Variants in HS6ST3 observed in about 807,000 individuals in gnomAD.
The protein encoded by HS6ST3 is heparan-sulfate 6-O-sulfotransferase 3.
HS6ST3 carries 12 observed loss-of-function variants against 36.7 expected under a neutral mutation model. The ratio of observed to expected loss-of-function variants is 0.33; its 90% CI spans 0.21 to 0.53. HS6ST3 has a LOEUF of 0.53. HS6ST3 is among the 20% of genes least tolerant of loss of function. The pLI is 0.95. For missense variants in HS6ST3, 584 were observed against 640.9 expected (o/e 0.91, Z 0.96); for synonymous variants, 240 against 257.5 (o/e 0.93, Z 0.65).
intron 1 of HS6ST3, among the ~76,000 whole-genome samples, chr13:96,326,390 G>A (rs977048663): frequency 2.2e-5 from 3 of 134,814 alleles, no homozygotes; most frequent in Admixed American, 1.8e-4. Context: ...ATGTGTTCTC[G>A]TTGTTCAGTT....
intron 1 of HS6ST3, among the ~76,000 whole-genome samples, chr13:96,417,016 C>T (rs773469439): frequency 1.3e-5 from 2 of 152,176 alleles, no homozygotes; most frequent in South Asian, 2.1e-4. Context: ...TCCCGAAATG[C>T]TGGGATTACA....
At chr13:96,745,913 G>A (rs370890222) in intron 1 of HS6ST3, among the ~76,000 whole-genome samples, 5 of 151,898 alleles carry the variant, frequency 3.3e-5, no homozygotes, top group African/African-American at 7.3e-5. Flanking sequence ...CTTTCCCATC[G>A]CTGCAGAAAT....
At chr13:96,200,131 T>A (rs984042380) in intron 1 of HS6ST3, among the ~76,000 whole-genome samples, 20 of 152,184 alleles carry the variant, frequency 1.3e-4, no homozygotes, top group Admixed American at 1.1e-3. Flanking sequence ...CATTCAGCTG[T>A]GTGCCCCAAT....
intron 1 of HS6ST3, among the ~76,000 whole-genome samples, chr13:96,712,250 G>C (rs1184871524): frequency 6.6e-6 from 1 of 152,168 alleles, no homozygotes; most frequent in Non-Finnish European, 1.5e-5. Flanking sequence ...GAGGTGAATG[G>C]CAGAGGTAAT....
chr13:96,638,977 T>G (rs997873823), intron 1 of HS6ST3, among the ~76,000 whole-genome samples: 1 of 152,054 alleles, frequency 6.6e-6, no homozygotes, highest in Non-Finnish European at 1.5e-5. Context: ...TTTTATGGCC[T>G]AACATATGGT....
In HS6ST3 at chr13:96,373,647, A is replaced by G. The variant is rs183974974; in HGVS notation, c.707+282078A>G. Among the ~76,000 whole-genome samples, 295 of 152,294 alleles carry G rather than the reference A, an allele frequency of 1.9e-3. 5 individuals are homozygous for G. The South Asian group carries it at 0.02, about 10-fold the overall frequency. On this transcript the variant is annotated intron_variant, in intron 1 of 1. Coordinates refer to ENST00000376705, the MANE Select transcript of HS6ST3 (RefSeq NM_153456.4). The stretch of plus-strand genomic sequence containing the variant: ...GATTTTTTTCATGTTGTTAACAAAT[A>G]TGTGATTTAAGGAGATGTAAGAAGA...
intron 1 of HS6ST3, among the ~76,000 whole-genome samples, chr13:96,350,144 A>T (rs947340799): frequency 1.1e-4 from 16 of 152,220 alleles, no homozygotes; most frequent in African/African-American, 3.6e-4. Context: ...TTCTGCTATT[A>T]TTCATGTAAA....
intron 1 of HS6ST3, among the ~76,000 whole-genome samples, chr13:96,697,078 G>A (rs987081796): frequency 6.6e-6 from 1 of 151,972 alleles, no homozygotes; most frequent in Non-Finnish European, 1.5e-5. Flanking sequence ...AGGGAGATTT[G>A]AGAAGATAAT....
chr13:96,259,536 C>T (rs1168560841), intron 1 of HS6ST3, among the ~76,000 whole-genome samples: 1 of 152,146 alleles, frequency 6.6e-6, no homozygotes, highest in Non-Finnish European at 1.5e-5. Flanking sequence ...TTTGAGTTGA[C>T]TCAGCAGCAA....
chr13:96,578,947 T>C (rs2138967467), intron 1 of HS6ST3, among the ~76,000 whole-genome samples: 1 of 152,202 alleles, frequency 6.6e-6, no homozygotes, highest in East Asian at 1.9e-4. Context: ...AGCTAGGACA[T>C]TCTCTGTAAT....
At chr13:96,614,444 A>G (rs1274928062) in intron 1 of HS6ST3, among the ~76,000 whole-genome samples, 1 of 151,706 alleles carries the variant, frequency 6.6e-6, no homozygotes, top group Admixed American at 6.6e-5. Context: ...CCAGGAGGTG[A>G]GTATTTGCAA....
rs2139289258 is a variant in HS6ST3 at position 96,091,117 on chromosome 13, C to T, written c.255C>T (p.Ala85=). ...GGCCCCCCGAGGGACCTCGGGGGGCCGCGGCGCCGGAGGAGGAGGACGAGG... is the reference window on the plus strand; with the variant it reads ...GGCCCCCCGAGGGACCTCGGGGGGCTGCGGCGCCGGAGGAGGAGGACGAGG... The part of the protein sequence containing the change: ...PRGPPEGPRG[A]AAPEEEDEEP... The change falls in exon 1 of 2, where the codon GCC becomes GCT. Residue 85 remains alanine, a synonymous_variant. Coordinates refer to ENST00000376705, the MANE Select transcript of HS6ST3 (RefSeq NM_153456.4). 1 of 1,425,302 alleles carries T rather than the reference C, an allele frequency of 7.0e-7. No individual in the cohort carries two copies. The highest frequency in any genetic ancestry group is 9.1e-7 in the Non-Finnish European group (1 of 1,094,550). The allele number at this position is 1,425,302 out of a possible 1,614,324, so 88.3% of individuals were successfully genotyped here. A position where few individuals can be genotyped will look rare whatever the true frequency, so the allele number is the denominator to read the frequency against.
At chr13:96,832,136 A>G (rs549882525) in intron 1 of HS6ST3, among the ~76,000 whole-genome samples, 1 of 152,222 alleles carries the variant, frequency 6.6e-6, no homozygotes, top group East Asian at 1.9e-4. Context: ...ATGGGTAATA[A>G]CTTAAAAATC....
chr13:96,531,362 T>C (rs923185479), intron 1 of HS6ST3, among the ~76,000 whole-genome samples: 1 of 152,152 alleles, frequency 6.6e-6, no homozygotes, highest in African/African-American at 2.4e-5. Context: ...CAGATGTTCA[T>C]TTATTGTTTT....
intron 1 of HS6ST3, among the ~76,000 whole-genome samples, chr13:96,676,615 A>G (rs2056699672): frequency 6.6e-6 from 1 of 152,174 alleles, no homozygotes; most frequent in African/African-American, 2.4e-5. Flanking sequence ...CCCAAGAGAA[A>G]CAGATAAGAT....
intron 1 of HS6ST3, among the ~76,000 whole-genome samples, chr13:96,802,360 A>G (rs1355174274): frequency 1.3e-5 from 2 of 152,214 alleles, no homozygotes; most frequent in African/African-American, 4.8e-5. Flanking sequence ...TTCAGGCAGA[A>G]TATCTCTGTC....
chr13:96,534,727 G>C (rs1020112619), intron 1 of HS6ST3, among the ~76,000 whole-genome samples: 1 of 152,214 alleles, frequency 6.6e-6, no homozygotes, highest in Admixed American at 6.5e-5. Context: ...GGGAGGCTGA[G>C]GCAGGTGGAT....
chr13:96,643,218 C>T (rs2056576364), intron 1 of HS6ST3, among the ~76,000 whole-genome samples: 1 of 151,838 alleles, frequency 6.6e-6, no homozygotes, highest in Admixed American at 6.6e-5. Context: ...GATGAATCTT[C>T]CAATTTTTGC....
intron 1 of HS6ST3, among the ~76,000 whole-genome samples, chr13:96,639,539 A>T (rs916440362): frequency 2.0e-5 from 3 of 149,216 alleles, no homozygotes; most frequent in Non-Finnish European, 4.5e-5. Context: ...AAAGAGATTT[A>T]AAAAAAATTT....
Sources: gnomAD v4.1 joint callset for allele counts (sites outside exome capture counted in the v4.1 genomes callset) on GRCh38, gnomAD v4.1.1 for gene constraint, MANE v1.5 for transcripts, NCBI Gene and HGNC (gene_info 2026-07-23, HGNC 2026-07-21) for gene names.